The following NCKAP5 variants were observed in gnomAD, a reference collection of about 807,000 sequenced individuals.
The protein encoded by NCKAP5 is nck-associated protein 5.
NCKAP5 carries 92 observed loss-of-function variants against 167.0 expected under a neutral mutation model. The observed-to-expected ratio is 0.55, with a 90% CI of 0.47 to 0.66. The LOEUF (loss-of-function observed/expected upper bound fraction) is 0.66, where lower values mean the gene tolerates loss of function less well. NCKAP5 is among the 30% of genes least tolerant of loss of function. The pLI, the probability that NCKAP5 is intolerant of heterozygous loss-of-function variation, is 0.00. For missense variants in NCKAP5, 2,378 were observed against 2,315.0 expected, an observed-to-expected ratio of 1.03 and a Z score of -0.56; for synonymous variants, 891 against 877.4, an observed-to-expected ratio of 1.02 and a Z score of -0.27.
At chr2:133,342,092 C>A (rs111539192) in intron 3 of NCKAP5, among the ~76,000 whole-genome samples, 1 of 152,086 alleles carries the variant, frequency 6.6e-6, no homozygotes, top group Non-Finnish European at 1.5e-5. Flanking sequence ...GTGCCCGCCA[C>A]CATGCCCAGC....
At chr2:133,443,593 T>C (rs1326385920) in intron 3 of NCKAP5, among the ~76,000 whole-genome samples, 1 of 152,164 alleles carries the variant, frequency 6.6e-6, no homozygotes, top group Non-Finnish European at 1.5e-5. Flanking sequence ...CCTGAGACCT[T>C]TGAGCTGCCC....
chr2:133,159,015 C>T (rs2083685593), intron 5 of NCKAP5, among the ~76,000 whole-genome samples: 1 of 151,782 alleles, frequency 6.6e-6, no homozygotes, highest in South Asian at 2.1e-4. Context: ...TTGCAGATGT[C>T]ATTAAGGTTA....
At chr2:133,351,583 C>T (rs886902063) in intron 3 of NCKAP5, among the ~76,000 whole-genome samples, 3 of 152,186 alleles carry the variant, frequency 2.0e-5, no homozygotes, top group Non-Finnish European at 2.9e-5. Flanking sequence ...ATCATTTCCT[C>T]TGTGTCTAAG....
At chr2:133,157,203 A>C (rs1199357717) in intron 5 of NCKAP5, among the ~76,000 whole-genome samples, 1 of 152,198 alleles carries the variant, frequency 6.6e-6, no homozygotes, top group African/African-American at 2.4e-5. Context: ...CTTATCTTTC[A>C]AATCAGGCTG....
chr2:132,967,448 C>A (rs942375735), intron 7 of NCKAP5, among the ~76,000 whole-genome samples: 2 of 152,024 alleles, frequency 1.3e-5, no homozygotes, highest in African/African-American at 4.8e-5. Context: ...GGCATAGGGT[C>A]GGTGTTTGGT....
At chr2:133,623,146 C>A in the NCKAP5 span, among the ~76,000 whole-genome samples, 1 of 152,122 alleles carries the variant, frequency 6.6e-6, no homozygotes, top group Non-Finnish European at 1.5e-5. Context: ...ATACAAAAAT[C>A]AACTCAAGAT....
chr2:133,390,791 C>G (rs1352335040), intron 3 of NCKAP5, among the ~76,000 whole-genome samples: 1 of 152,176 alleles, frequency 6.6e-6, no homozygotes, highest in Non-Finnish European at 1.5e-5. Flanking sequence ...TAAGGCAGAT[C>G]TCTGGGAGTG....
intron 8 of NCKAP5, among the ~76,000 whole-genome samples, chr2:132,909,838 T>C (rs750096491): frequency 6.6e-6 from 1 of 152,248 alleles, no homozygotes; most frequent in African/African-American, 2.4e-5. Flanking sequence ...AGAAATCATA[T>C]GATTTTTCTT....
intron 6 of NCKAP5, among the ~76,000 whole-genome samples, chr2:133,094,394 C>T (rs940826441): frequency 1.3e-5 from 2 of 152,098 alleles, no homozygotes; most frequent in Admixed American, 6.6e-5. Flanking sequence ...TAACAAAATT[C>T]CTTTGTTAAA....
At chr2:132,822,743 G>A (rs941214148) in intron 11 of NCKAP5, among the ~76,000 whole-genome samples, 1 of 152,094 alleles carries the variant, frequency 6.6e-6, no homozygotes, top group Non-Finnish European at 1.5e-5. Flanking sequence ...AATTCAGAAG[G>A]TTGATTATTA....
At chr2:132,690,029 T>C (rs1216205071) in intron 19 of NCKAP5, among the ~76,000 whole-genome samples, 3 of 152,198 alleles carry the variant, frequency 2.0e-5, no homozygotes, top group Non-Finnish European at 4.4e-5. Context: ...ACCAGTCTTC[T>C]GGTAAATTGC....
intron 16 of NCKAP5, among the ~76,000 whole-genome samples, chr2:132,764,483 C>T (rs1681279795): frequency 6.6e-6 from 1 of 152,142 alleles, no homozygotes; most frequent in South Asian, 2.1e-4. Context: ...GTGGACATTT[C>T]CTTGCCCAAG....
chr2:132,912,673 C>G (rs1323055858), intron 8 of NCKAP5, among the ~76,000 whole-genome samples: 10 of 152,192 alleles, frequency 6.6e-5, no homozygotes, highest in African/African-American at 2.4e-4. Flanking sequence ...CTCACTGTTT[C>G]CTCTGCTTTC....
intron 3 of NCKAP5, among the ~76,000 whole-genome samples, chr2:133,475,331 C>T (rs960611465): frequency 6.6e-6 from 1 of 152,160 alleles, no homozygotes; most frequent in Non-Finnish European, 1.5e-5. Flanking sequence ...TCCCAATGTG[C>T]ACACACACAT....
At chr2:132,986,700 T>C (rs1011288285) in intron 7 of NCKAP5, among the ~76,000 whole-genome samples, 2 of 152,204 alleles carry the variant, frequency 1.3e-5, no homozygotes, top group Non-Finnish European at 2.9e-5. Context: ...TAATTGATAG[T>C]TTAACAATAT....
At chr2:132,812,702 T>C (rs532957887) in intron 11 of NCKAP5, among the ~76,000 whole-genome samples, 17 of 152,348 alleles carry the variant, frequency 1.1e-4, no homozygotes, top group African/African-American at 3.8e-4. Context: ...AGAGGGGGGC[T>C]GTCTTAGTCT....
At chr2:133,466,853 T>C (rs1692637351) in intron 3 of NCKAP5, among the ~76,000 whole-genome samples, 1 of 152,180 alleles carries the variant, frequency 6.6e-6, no homozygotes, top group Admixed American at 6.5e-5. Flanking sequence ...TTTTTGTACA[T>C]TGATTTTGTA....
At chr2:133,603,817 G>A in the NCKAP5 span, among the ~76,000 whole-genome samples, 2 of 152,190 alleles carry the variant, frequency 1.3e-5, no homozygotes, top group Non-Finnish European at 2.9e-5. Context: ...GATTACAGGC[G>A]TGAGCCACCG....
chr2:132,864,401 C>A (rs143032026), intron 10 of NCKAP5, among the ~76,000 whole-genome samples: 22 of 151,858 alleles, frequency 1.4e-4, no homozygotes, highest in African/African-American at 5.3e-4. Context: ...ATACTCAGAC[C>A]TGTTTTCCTT....
Sources: gnomAD v4.1 joint callset for allele counts (sites outside exome capture counted in the v4.1 genomes callset) on GRCh38, gnomAD v4.1.1 for gene constraint, MANE v1.5 for transcripts, NCBI Gene and HGNC (gene_info 2026-07-23, HGNC 2026-07-21) for gene names.